Variants in COL25A1 observed in about 807,000 individuals in gnomAD.
The protein encoded by COL25A1 is collagen type XXV alpha 1 chain, also known as collagen alpha-1(XXV) chain.
In COL25A1, 103 loss-of-function variants were observed where a neutral mutation model predicts 128.4. The ratio of observed to expected loss-of-function variants is 0.80; its 90% CI spans 0.68 to 0.94. COL25A1 has a LOEUF of 0.94. Among genes scored for constraint, COL25A1 ranks in the 40% least tolerant of loss-of-function variants. The pLI is 0.00. For missense variants in COL25A1, 745 were observed against 840.0 expected (o/e 0.89, Z 1.40); for synonymous variants, 279 against 277.2 (o/e 1.01, Z -0.06).
At chr4:108,857,590 G>A (rs1277794665) in intron 24 of COL25A1, among the ~76,000 whole-genome samples, 1 of 151,594 alleles carries the variant, frequency 6.6e-6, no homozygotes, top group African/African-American at 2.4e-5. Context: ...ACGACTTAGT[G>A]CTCTACTAGT....
At chr4:109,051,877 A>G (rs1292512345) in intron 3 of COL25A1, among the ~76,000 whole-genome samples, 1 of 152,150 alleles carries the variant, frequency 6.6e-6, no homozygotes, top group African/African-American at 2.4e-5. Context: ...GCATGTAAAA[A>G]TAATTCACCC....
intron 6 of COL25A1, among the ~76,000 whole-genome samples, chr4:109,006,378 A>ATTTTTTTTTTTTTTTTTT (rs56845799): frequency 3.1e-4 from 16 of 51,874 alleles, no homozygotes; most frequent in South Asian, 1.2e-3. Context: ...CACCCAGCTA[A>ATTTTTTTTTTTTTTTTTT]TTTTTTTTTT....
chr4:109,018,690 C>G (rs1757431995), intron 5 of COL25A1, among the ~76,000 whole-genome samples: 1 of 152,088 alleles, frequency 6.6e-6, no homozygotes, highest in Non-Finnish European at 1.5e-5. Context: ...TATCTCAGAC[C>G]CCAAGCTATA....
At chr4:109,087,181 C>T (rs1304334803) in intron 3 of COL25A1, among the ~76,000 whole-genome samples, 1 of 152,028 alleles carries the variant, frequency 6.6e-6, no homozygotes, top group South Asian at 2.1e-4. Flanking sequence ...TGGCTGGACC[C>T]CAGCCCTCAA....
chr4:109,093,457 G>GAAAAAA (rs564834752), intron 3 of COL25A1, among the ~76,000 whole-genome samples: 871 of 69,310 alleles, frequency 0.013, 10 homozygotes, highest in East Asian at 0.086. Flanking sequence ...CCATCTCTAT[G>GAAAAAA]AAAAAAAAAA....
At chr4:109,198,864 T>C (rs922131841) in intron 3 of COL25A1, among the ~76,000 whole-genome samples, 2 of 152,222 alleles carry the variant, frequency 1.3e-5, no homozygotes, top group South Asian at 4.1e-4. Context: ...AGTCTTGTGC[T>C]TGAAGCCAGG....
At chr4:109,148,571 T>C (rs1423076204) in intron 3 of COL25A1, among the ~76,000 whole-genome samples, 1 of 152,196 alleles carries the variant, frequency 6.6e-6, no homozygotes, top group African/African-American at 2.4e-5. Flanking sequence ...CACACTGCCC[T>C]GCTCTATTCC....
chr4:108,902,995 G>T (rs1743023473), intron 13 of COL25A1, among the ~76,000 whole-genome samples: 3 of 151,826 alleles, frequency 2.0e-5, no homozygotes, highest in Non-Finnish European at 2.9e-5. Context: ...AATAAGAGAT[G>T]CCGCCAGGAA....
At chr4:109,201,458 C>T (rs1776550601) in intron 3 of COL25A1, among the ~76,000 whole-genome samples, 1 of 152,088 alleles carries the variant, frequency 6.6e-6, no homozygotes, top group East Asian at 1.9e-4. Flanking sequence ...TATAAAAACA[C>T]ACAGCAAACT....
At chr4:108,967,374 A>G (rs1751432615) in intron 8 of COL25A1, among the ~76,000 whole-genome samples, 1 of 152,210 alleles carries the variant, frequency 6.6e-6, no homozygotes, top group African/African-American at 2.4e-5. Context: ...TGAAAACAGA[A>G]CAAACTAGAA....
At chr4:108,841,774 C>CTGGGA in intron 30 of COL25A1, 53 bp from the exon 31 acceptor site, 6 of 1,359,654 alleles carry the variant, frequency 4.4e-6, no homozygotes, top group Non-Finnish European at 6.3e-6. Flanking sequence ...TGTTTCCCAG[C>CTGGGA]AAGAGTGAAT....
intron 6 of COL25A1, among the ~76,000 whole-genome samples, chr4:108,983,579 G>C (rs1386488106): frequency 6.6e-6 from 1 of 152,200 alleles, no homozygotes; most frequent in Non-Finnish European, 1.5e-5. Flanking sequence ...CTGACTTCAA[G>C]AATGAAGCCG....
intron 3 of COL25A1, among the ~76,000 whole-genome samples, chr4:109,072,597 A>G (rs1314475050): frequency 6.6e-6 from 1 of 152,214 alleles, no homozygotes; most frequent in African/African-American, 2.4e-5. Flanking sequence ...GGTGGCTAAC[A>G]GTGATTTCAC....
chr4:108,976,657 G>A (rs573027339), intron 6 of COL25A1, among the ~76,000 whole-genome samples: 16 of 152,330 alleles, frequency 1.1e-4, no homozygotes, highest in African/African-American at 3.8e-4. Flanking sequence ...CCAGGTTCTA[G>A]CAAAGTACCC....
rs10567518 is a variant in COL25A1 at position 108,822,043 on chromosome 4, A to ATTTTTTTTTTTTTTTTTTTTT, written c.1845+2130_1845+2131insAAAAAAAAAAAAAAAAAAAAA. On this transcript the variant is annotated intron_variant, in intron 35 of 37. Coordinates refer to ENST00000399132, the MANE Select transcript of COL25A1 (RefSeq NM_198721.4). ...AAACGTGAGTATCCTCCTAATGGTA[A>ATTTTTTTTTTTTTTTTTTTTT]TTTTTTTTTTTTTTTTTGGGACAGG... Among the ~76,000 whole-genome samples the ATTTTTTTTTTTTTTTTTTTTT allele has an allele frequency of 9.3e-4, 84 of 89,980 alleles. 13 individuals carry two copies. The highest frequency in any genetic ancestry group is 1.5e-3 in the Non-Finnish European group (69 of 46,840). 59.0% of individuals were successfully genotyped at this position (89,980 alleles called of 152,430 possible).
At chr4:109,189,629 T>A (rs750527082) in intron 3 of COL25A1, among the ~76,000 whole-genome samples, 16 of 152,078 alleles carry the variant, frequency 1.1e-4, no homozygotes, top group Non-Finnish European at 2.4e-4. Context: ...TTTGTGCTCG[T>A]ATCAGCAATA....
intron 3 of COL25A1, among the ~76,000 whole-genome samples, chr4:109,261,872 T>C (rs1450332720): frequency 6.6e-6 from 1 of 151,742 alleles, no homozygotes; most frequent in Non-Finnish European, 1.5e-5. Context: ...TATTTTTTTG[T>C]ATTTTTAGTA....
intron 3 of COL25A1, among the ~76,000 whole-genome samples, chr4:109,185,173 C>T (rs1375182700): frequency 6.6e-6 from 1 of 152,118 alleles, no homozygotes; most frequent in Non-Finnish European, 1.5e-5. Flanking sequence ...GCTTTACTTC[C>T]CCTAAAATTA....
chr4:109,187,650 A>AT (rs1775263860), intron 3 of COL25A1, among the ~76,000 whole-genome samples: 1 of 152,158 alleles, frequency 6.6e-6, no homozygotes, highest in East Asian at 1.9e-4. Flanking sequence ...TTGAAAAATT[A>AT]TTTTTTTCTC....
Sources: gnomAD v4.1 joint callset for allele counts (sites outside exome capture counted in the v4.1 genomes callset) on GRCh38, gnomAD v4.1.1 for gene constraint, MANE v1.5 for transcripts, NCBI Gene and HGNC (gene_info 2026-07-23, HGNC 2026-07-21) for gene names.